The following TMCC1 variants were observed in gnomAD, a reference collection of about 807,000 sequenced individuals.
TMCC1 encodes transmembrane and coiled-coil domain family 1.
A neutral mutation model predicts 52.4 loss-of-function variants in TMCC1; 15 were observed. That is an observed-to-expected ratio of 0.29 (90% CI 0.19 to 0.44). The LOEUF (loss-of-function observed/expected upper bound fraction) is 0.44. TMCC1 is among the 20% of genes least tolerant of loss of function. The pLI, the probability that TMCC1 is intolerant of heterozygous loss-of-function variation, is 1.00. For missense variants in TMCC1, 503 were observed against 806.0 expected, an observed-to-expected ratio of 0.62 and a Z score of 4.55; for synonymous variants, 279 against 301.9, an observed-to-expected ratio of 0.92 and a Z score of 0.79.
intron 4 of TMCC1, among the ~76,000 whole-genome samples, chr3:129,738,116 C>A (rs1421252404): frequency 1.3e-5 from 2 of 151,680 alleles, no homozygotes; most frequent in Non-Finnish European, 2.9e-5. Flanking sequence ...ACTAAAAATA[C>A]AAAAATTAGC....
chr3:129,693,217 T>C (rs942085659), intron 4 of TMCC1, among the ~76,000 whole-genome samples: 2 of 152,222 alleles, frequency 1.3e-5, no homozygotes, highest in East Asian at 3.8e-4. Flanking sequence ...ATCTATAATA[T>C]GAAAGATGAT....
chr3:129,791,255 G>A (rs1042091840), intron 4 of TMCC1, among the ~76,000 whole-genome samples: 2 of 151,904 alleles, frequency 1.3e-5, no homozygotes, highest in Non-Finnish European at 2.9e-5. Context: ...CACCACGTCC[G>A]GCTAATTTTT....
intron 2 of TMCC1, among the ~76,000 whole-genome samples, chr3:129,850,442 C>T (rs2059865195): frequency 6.6e-6 from 1 of 152,148 alleles, no homozygotes; most frequent in Non-Finnish European, 1.5e-5. Context: ...TAACTTGCAT[C>T]CAAAATATTA....
At chr3:129,797,742 C>T (rs890822268) in intron 4 of TMCC1, among the ~76,000 whole-genome samples, 1 of 152,046 alleles carries the variant, frequency 6.6e-6, no homozygotes, top group African/African-American at 2.4e-5. Flanking sequence ...GACCCTGTCT[C>T]AAAACAAAAC....
At chr3:129,867,945 C>T (rs1560582407) in intron 2 of TMCC1, among the ~76,000 whole-genome samples, 1 of 152,096 alleles carries the variant, frequency 6.6e-6, no homozygotes, top group Non-Finnish European at 1.5e-5. Flanking sequence ...TATTGTGTGC[C>T]TAATACGTGC....
chr3:129,694,116 G>A (rs1016888204), intron 4 of TMCC1, among the ~76,000 whole-genome samples: 8 of 152,232 alleles, frequency 5.3e-5, no homozygotes, highest in Non-Finnish European at 1.2e-4. Context: ...ACTTGAAGAT[G>A]AGATTAATTC....
At chr3:129,834,954 A>G in intron 2 of TMCC1, among the ~76,000 whole-genome samples, 1 of 152,192 alleles carries the variant, frequency 6.6e-6, no homozygotes, top group East Asian at 1.9e-4. Flanking sequence ...AGCAAATCCT[A>G]TGGGCTCCCT....
chr3:129,814,798 G>T (rs2058016036), intron 4 of TMCC1, among the ~76,000 whole-genome samples: 1 of 152,142 alleles, frequency 6.6e-6, no homozygotes, highest in Non-Finnish European at 1.5e-5. Context: ...ACTATAGGAA[G>T]AGACAAAGTA....
At chr3:129,826,472 C>G (rs1175417154) in intron 4 of TMCC1, among the ~76,000 whole-genome samples, 1 of 152,012 alleles carries the variant, frequency 6.6e-6, no homozygotes, top group African/African-American at 2.4e-5. Flanking sequence ...CACACCACTG[C>G]ACCCCAGCCT....
In TMCC1 at chr3:129,859,570, G is replaced by A. The variant is rs1186851162; in HGVS notation, c.-184+20739C>T. On this transcript the variant is annotated intron_variant, in intron 2 of 6. Transcript: ENST00000393238. Reference sequence around the variant, plus strand: ...GAGGATTGCTTGAGCCTGGCAAGCCGAGGCTGCAGTGAGCCATGATCTCAC... The same window carrying A: ...GAGGATTGCTTGAGCCTGGCAAGCCAAGGCTGCAGTGAGCCATGATCTCAC... Among the ~76,000 whole-genome samples, 3 of 152,042 alleles carry A rather than the reference G, an allele frequency of 2.0e-5. No individual in the cohort carries two copies. In the South Asian group the frequency reaches 6.2e-4, roughly 32 times the overall value.
chr3:129,845,205 C>G (rs867752695), intron 2 of TMCC1, among the ~76,000 whole-genome samples: 46 of 151,956 alleles, frequency 3.0e-4, no homozygotes, highest in African/African-American at 1.1e-3. Context: ...CACACACACA[C>G]ACACACACAC....
intron 2 of TMCC1, among the ~76,000 whole-genome samples, chr3:129,870,671 G>A (rs767988946): frequency 1.5e-4 from 20 of 136,290 alleles, no homozygotes; most frequent in Non-Finnish European, 2.2e-4. Flanking sequence ...CCCAGGAGGC[G>A]GAGGTTGCAG....
intron 5 of TMCC1, among the ~76,000 whole-genome samples, chr3:129,658,434 T>C (rs1261489023): frequency 3.3e-5 from 5 of 152,224 alleles, no homozygotes; most frequent in African/African-American, 4.8e-5. Flanking sequence ...CCATTTATGA[T>C]GGGCTTAAAT....
intron 4 of TMCC1, among the ~76,000 whole-genome samples, chr3:129,677,694 T>G (rs1179032420): frequency 1.3e-5 from 2 of 152,228 alleles, no homozygotes; most frequent in African/African-American, 4.8e-5. Context: ...CTCCCTGAGC[T>G]GGTTGTCATG....
At chr3:129,822,909 C>T (rs1034544573) in intron 4 of TMCC1, among the ~76,000 whole-genome samples, 2 of 152,190 alleles carry the variant, frequency 1.3e-5, no homozygotes, top group African/African-American at 4.8e-5. Context: ...TTTTGCAACT[C>T]AAGACTTTTG....
chr3:129,706,689 C>T (rs933543230), intron 4 of TMCC1, among the ~76,000 whole-genome samples: 7 of 152,152 alleles, frequency 4.6e-5, no homozygotes, highest in Non-Finnish European at 1.0e-4. Context: ...GGACCAAGAG[C>T]CACAGTTCAA....
At chr3:129,680,110 T>G (rs1467535340) in intron 4 of TMCC1, among the ~76,000 whole-genome samples, 4 of 152,228 alleles carry the variant, frequency 2.6e-5, no homozygotes, top group Admixed American at 1.3e-4. Context: ...TTGCATGAAT[T>G]GCCCTAAAAT....
At chr3:129,829,018 TG>T (rs2058782884) in intron 3 of TMCC1, among the ~76,000 whole-genome samples, 1 of 152,220 alleles carries the variant, frequency 6.6e-6, no homozygotes, top group African/African-American at 2.4e-5. Flanking sequence ...TGGATTTTAA[TG>T]GAAAAGTGTG....
At chr3:129,683,752 C>T (rs373764244) in intron 4 of TMCC1, among the ~76,000 whole-genome samples, 22 of 152,106 alleles carry the variant, frequency 1.4e-4, no homozygotes, top group East Asian at 1.4e-3. Flanking sequence ...CATCCTCCTA[C>T]CTTTTGGAGT....
Sources: gnomAD v4.1 joint callset for allele counts (sites outside exome capture counted in the v4.1 genomes callset) on GRCh38, gnomAD v4.1.1 for gene constraint, MANE v1.5 for transcripts, NCBI Gene and HGNC (gene_info 2026-07-23, HGNC 2026-07-21) for gene names.